SCARB1: variants seen among roughly 807,000 people sequenced by gnomAD.
SCARB1 encodes scavenger receptor class B member 1, also known as CD36 and LIMPII analogous 1.
A neutral mutation model predicts 57.2 loss-of-function variants in SCARB1; 30 were observed. That is an observed-to-expected ratio of 0.52 (90% CI 0.39 to 0.71). The LOEUF (loss-of-function observed/expected upper bound fraction) is 0.71, where lower values mean the gene tolerates loss of function less well. Among genes scored for constraint, SCARB1 ranks in the 30% least tolerant of loss-of-function variants. The pLI is 0.00. For missense variants in SCARB1, 543 were observed against 671.2 expected (o/e 0.81, Z 2.11); for synonymous variants, 249 against 268.3 (o/e 0.93, Z 0.70).
At chr12:124,858,481 C>A (rs1952729773) in intron 1 of SCARB1, among the ~76,000 whole-genome samples, 1 of 152,168 alleles carries the variant, frequency 6.6e-6, no homozygotes, top group South Asian at 2.1e-4. Context: ...CAACCTCGAC[C>A]ACAGGGCCCC....
rs1051156934 is a variant in SCARB1 at position 124,796,558 on chromosome 12, C to T, written c.1129-1290G>A. Among the ~76,000 whole-genome samples the T allele has an allele frequency of 3.3e-5, 5 of 152,242 alleles. No individual in the cohort carries two copies. The highest frequency in any genetic ancestry group is 1.2e-4 in the African/African-American group (5 of 41,468). On this transcript the variant is annotated intron_variant, in intron 8 of 12. Transcript: ENST00000261693. This position sits in a 1 kb window ranked among gnomAD's most constrained non-coding sequence, Gnocchi z 4.0. ...GGTTCTTCTTAACTGAGAGTCGCGT[C>T]CTCATCTGTAAAACAGAGAGAACTC...
At position 124,788,916 on chromosome 12, in the gene SCARB1, A is replaced by G. The variant is rs139313230; in HGVS notation, c.1203-1459T>C. Among the ~76,000 whole-genome samples the G allele has an allele frequency of 4.8e-4, 73 of 152,306 alleles. 1 individual carries two copies. The highest frequency in any genetic ancestry group is 1.5e-3 in the African/African-American group (64 of 41,554). On this transcript the variant is annotated intron_variant, in intron 9 of 12. Coordinates refer to ENST00000261693, the MANE Select transcript of SCARB1 (RefSeq NM_005505.5). ...ATATGTATCTTCTCTATGGCCACAT[A>G]TATATGAATGTAAATAAGTAGGAAA...
Position 124,822,172 on chromosome 12 carries a change from C to A in SCARB1, c.127-4465G>T, listed in dbSNP as rs1950976679. Among the ~76,000 whole-genome samples, 1 of 152,154 alleles carries A rather than the reference C, an allele frequency of 6.6e-6. No individual in the cohort carries two copies. The highest frequency in any genetic ancestry group is 2.1e-4 in the South Asian group (1 of 4,834). On this transcript the variant is annotated intron_variant, in intron 1 of 12. Transcript: ENST00000261693. This position sits in a 1 kb window ranked among gnomAD's most constrained non-coding sequence, Gnocchi z 5.0. ...GAGGAGTGCCTGGCAGAGGACACAG[C>A]CTGTGCAAAGGCTGGGAAGCCTTTA...
chr12:124,834,881 C>T (rs1951568127), intron 1 of SCARB1, among the ~76,000 whole-genome samples: 1 of 152,178 alleles, frequency 6.6e-6, no homozygotes, highest in Admixed American at 6.5e-5. Flanking sequence ...ACACTCCAGG[C>T]TGCACAACAG....
Position 124,817,753 on chromosome 12 carries a change from C to T in SCARB1, c.127-46G>A, listed in dbSNP as rs532971580. 4.4e-6 allele frequency: 7 copies of T among 1,602,546 alleles called. No individual in the cohort carries two copies. In the African/African-American group the frequency reaches 5.3e-5, roughly 12 times the overall value. ...ACGCTTGTGAGGAGAGTGATGAGGG[C>T]CCCACGCCCCACCACAAGGCTCCGG... On this transcript the variant is annotated intron_variant, in intron 1 of 12. Transcript: ENST00000261693. This position sits in a 1 kb window ranked among gnomAD's most constrained non-coding sequence, Gnocchi z 4.8.
Position 124,778,518 on chromosome 12 carries a change from G to T in SCARB1, c.*69C>A. The T allele has an allele frequency of 6.6e-6, 9 of 1,368,452 alleles. No homozygotes were observed. The highest frequency in any genetic ancestry group is 8.5e-6 in the Non-Finnish European group (9 of 1,059,628). 84.8% of individuals were successfully genotyped at this position (1,368,452 alleles called of 1,614,324 possible). On this transcript the variant is annotated 3_prime_UTR_variant, in exon 13 of 13. Transcript: ENST00000261693. ...CGCTGGGAGAGTCCGGGAGAAGCGG[G>T]GTGTAGGGGCTGGGGGGCCGGTCAG...
intron 7 of SCARB1, among the ~76,000 whole-genome samples, chr12:124,802,113 G>A (rs1950153345): frequency 7.0e-6 from 1 of 143,688 alleles, no homozygotes; most frequent in African/African-American, 2.6e-5. Flanking sequence ...TTGCACCATT[G>A]CACTCCAGCC....
At chr12:124,791,170 G>A (rs1251874692) in intron 9 of SCARB1, among the ~76,000 whole-genome samples, 1 of 152,234 alleles carries the variant, frequency 6.6e-6, no homozygotes, top group East Asian at 1.9e-4. Flanking sequence ...CCCTGGGAGA[G>A]GGCTCTGGAA....
At position 124,827,476 on chromosome 12, in the gene SCARB1, C is replaced by T. The variant is rs112289469; in HGVS notation, c.127-9769G>A. On this transcript the variant is annotated intron_variant, in intron 1 of 12. Transcript: ENST00000261693. ...AGGTGGTGGCGCCAAGGTCGTCTAG[C>T]TATTTATCTTACTTCTGTTTCTTTC... Among the ~76,000 whole-genome samples the T allele has an allele frequency of 1.5e-3, 225 of 152,238 alleles. 5 individuals carry two copies. Among genetic ancestry groups the T allele is most frequent in the African/African-American group, 5.0e-3 (207 of 41,530 alleles).
chr12:124,817,559 T>C lies in SCARB1; in HGVS notation c.275A>G (p.Tyr92Cys). 1 of 1,613,896 alleles carries C rather than the reference T, an allele frequency of 6.2e-7. No homozygotes were observed. Among genetic ancestry groups the C allele is most frequent in the Non-Finnish European group, 8.5e-7 (1 of 1,180,002 alleles). The change falls in exon 2 of 13, where the codon TAC becomes TGC. Residue 92 changes from tyrosine to cysteine, a missense_variant. Coordinates refer to ENST00000261693, the MANE Select transcript of SCARB1 (RefSeq NM_005505.5). The surrounding 1 kb of genome is among the most constrained non-coding windows in gnomAD (Gnocchi z 4.8). ...CTGGACACAGCCTCACCTGTACACG[T>C]AGGGCCCGCGCTCCCGCACCTGCGG... ...EKPQVRERGP[Y>C]VYREFRHKSN...
Position 124,800,612 on chromosome 12 carries a change from G to A in SCARB1, c.1010-370C>T, listed in dbSNP as rs564286598. On this transcript the variant is annotated intron_variant, in intron 7 of 12. Transcript: ENST00000261693. This position sits in a 1 kb window ranked among gnomAD's most constrained non-coding sequence, Gnocchi z 4.8. ...GTGCACAAGGGTGCTAGGGAGGCAC[G>A]GATGGAAAAGGCAACGCCAGATTTG... is the stretch of plus-strand genomic sequence containing the variant. Among the ~76,000 whole-genome samples the A allele has an allele frequency of 4.6e-5, 7 of 152,300 alleles. No homozygotes were observed. Among genetic ancestry groups the A allele is most frequent in the African/African-American group, 7.2e-5 (3 of 41,556 alleles).
At chr12:124,815,264 G>C (rs977609293) in intron 2 of SCARB1, 150 bp from the exon 3 acceptor site, 4 of 900,488 alleles carry the variant, frequency 4.4e-6, no homozygotes, top group Non-Finnish European at 7.0e-6. Flanking sequence ...CGGCCCCTTC[G>C]CCAAGTCTGT....
At chr12:124,780,167 G>C (rs941410287) in intron 12 of SCARB1, among the ~76,000 whole-genome samples, 8 of 152,170 alleles carry the variant, frequency 5.3e-5, no homozygotes, top group Admixed American at 3.9e-4. Flanking sequence ...GACTTGGCGT[G>C]GAAGAAAGAT....
chr12:124,846,789 C>T (rs1045406241), intron 1 of SCARB1, among the ~76,000 whole-genome samples: 10 of 147,710 alleles, frequency 6.8e-5, no homozygotes, highest in Admixed American at 1.4e-4. Context: ...CAGCTTCTTC[C>T]GATTAGCATC....
intron 1 of SCARB1, among the ~76,000 whole-genome samples, chr12:124,825,890 G>A (rs1463813662): frequency 6.6e-6 from 1 of 152,150 alleles, no homozygotes; most frequent in East Asian, 1.9e-4. Context: ...TGGTGCTTAC[G>A]GGGCGGAGGC....
intron 9 of SCARB1, among the ~76,000 whole-genome samples, chr12:124,791,135 C>T (rs1489326749): frequency 2.0e-5 from 3 of 152,208 alleles, no homozygotes; most frequent in Non-Finnish European, 4.4e-5. Flanking sequence ...TGTCACAACT[C>T]CTTGCAGCAA....
chr12:124,827,377 T>C (rs75219274), intron 1 of SCARB1, among the ~76,000 whole-genome samples: 1 of 152,054 alleles, frequency 6.6e-6, no homozygotes, highest in African/African-American at 2.4e-5. Context: ...ACGTCTGGAA[T>C]TTACAGATAA....
At chr12:124,833,463 C>T (rs914285329) in intron 1 of SCARB1, among the ~76,000 whole-genome samples, 45 of 152,270 alleles carry the variant, frequency 3.0e-4, no homozygotes, top group South Asian at 2.7e-3. Flanking sequence ...GCTGGGATTA[C>T]AGGTGTGAGC....
chr12:124,800,222 G>A lies in SCARB1; in HGVS notation c.1030C>T (p.His344Tyr). 3 of 1,613,692 alleles carry A rather than the reference G, an allele frequency of 1.9e-6. No homozygotes were observed. Among genetic ancestry groups the A allele is most frequent in the Non-Finnish European group, 1.7e-6 (2 of 1,179,640 alleles). The change falls in exon 8 of 13, where the codon CAT (histidine) becomes TAT (tyrosine). Residue 344 changes from histidine to tyrosine, a missense_variant. His to Tyr is a moderately conservative substitution (Grantham distance 83). Transcript: ENST00000261693. The surrounding 1 kb of genome is among the most constrained non-coding windows in gnomAD (Gnocchi z 4.8). The part of the protein sequence containing the change: ...CRFSAPLFLS[H>Y]PHFLNADPVL... Reference sequence around the variant, plus strand: ...GGGTCAGCGTTGAGGAAGTGAGGATGGGAGAGAAACAAGGGGGCACCTAGA... The same window carrying A: ...GGGTCAGCGTTGAGGAAGTGAGGATAGGAGAGAAACAAGGGGGCACCTAGA...
Sources: allele counts gnomAD v4.1 joint callset (sites outside exome capture counted in the v4.1 genomes callset), GRCh38; gene constraint gnomAD v4.1.1; non-coding constraint Gnocchi (gnomAD v3.1); transcripts MANE v1.5; gene names NCBI Gene and HGNC (gene_info 2026-07-23, HGNC 2026-07-21).